Variants in SNAP91 observed in about 807,000 individuals in gnomAD.
SNAP91 encodes clathrin coat assembly protein AP180.
SNAP91 carries 27 observed loss-of-function variants against 100.3 expected under a neutral mutation model. The ratio of observed to expected loss-of-function variants is 0.27; its 90% confidence interval spans 0.20 to 0.37. The LOEUF (loss-of-function observed/expected upper bound fraction) is 0.37, where lower values mean the gene tolerates loss of function less well. SNAP91 is among the 10% of genes least tolerant of loss of function. The pLI, the probability that SNAP91 is intolerant of heterozygous loss-of-function variation, is 1.00. For synonymous variants in SNAP91, 404 were observed against 398.6 expected (o/e 1.01, Z -0.16); for missense variants, 986 against 1,123.7 (o/e 0.88, Z 1.75).
At chr6:83,636,791 C>A (rs569976086) in intron 8 of SNAP91, among the ~76,000 whole-genome samples, 1 of 152,286 alleles carries the variant, frequency 6.6e-6, no homozygotes, top group Admixed American at 6.5e-5. Flanking sequence ...AGGGAGCTGG[C>A]TTTTCTTTTT....
Position 83,690,172 on chromosome 6 carries a change from G to A in SNAP91, c.130+17626C>T, listed in dbSNP as rs544265048. 11 of 573,778 alleles carry A rather than the reference G, an allele frequency of 1.9e-5. No individual in the cohort carries two copies. The South Asian group carries it at 3.3e-4, about 17-fold the overall frequency. 35.5% of individuals were successfully genotyped at this position (573,778 alleles called of 1,614,324 possible). A position where few individuals can be genotyped will look rare whatever the true frequency, so the allele number is the denominator to read the frequency against. On this transcript the variant is annotated intron_variant, in intron 2 of 29. Coordinates refer to ENST00000369694, the MANE Select transcript of SNAP91 (RefSeq NM_001242792.2). ...GAGTTTTCCTAATGATTATGGTTAC[G>A]AAAGCAATAACTTAATTTGAATATT...
At chr6:83,638,773 A>G (rs373031693) in intron 8 of SNAP91, among the ~76,000 whole-genome samples, 1 of 152,310 alleles carries the variant, frequency 6.6e-6, no homozygotes, top group African/African-American at 2.4e-5. Context: ...CTGAACCACA[A>G]TATCATTAGA....
intron 2 of SNAP91, among the ~76,000 whole-genome samples, chr6:83,701,447 C>CTT (rs1243379831): frequency 1.5e-4 from 21 of 141,300 alleles, no homozygotes; most frequent in Middle Eastern, 3.5e-3. Context: ...ATCAAAAATT[C>CTT]TTTTTTTTTT....
At chr6:83,669,209 A>G (rs1052853565) in intron 2 of SNAP91, among the ~76,000 whole-genome samples, 1 of 152,014 alleles carries the variant, frequency 6.6e-6, no homozygotes, top group East Asian at 1.9e-4. Context: ...TAGGGTATGC[A>G]CATACTTAAA....
At chr6:83,646,998 G>A (rs918040976) in intron 7 of SNAP91, among the ~76,000 whole-genome samples, 21 of 151,560 alleles carry the variant, frequency 1.4e-4, no homozygotes, top group African/African-American at 5.1e-4. Flanking sequence ...TTCATTGCTA[G>A]TATATCAGAA....
At chr6:83,605,597 A>T in intron 14 of SNAP91, 88 bp downstream of exon 14, 1 of 1,497,748 alleles carries the variant, frequency 6.7e-7, no homozygotes. Flanking sequence ...TTAGATAATC[A>T]AAAGGTAAAT....
At chr6:83,583,549 GCTA>G (rs977974900) in intron 22 of SNAP91, among the ~76,000 whole-genome samples, 4 of 152,104 alleles carry the variant, frequency 2.6e-5, no homozygotes, top group African/African-American at 9.7e-5. Flanking sequence ...ACTCTGCATT[GCTA>G]CTGAACAAAA....
intron 9 of SNAP91, among the ~76,000 whole-genome samples, chr6:83,617,321 T>C (rs566828850): frequency 5.3e-5 from 8 of 152,176 alleles, no homozygotes; most frequent in African/African-American, 1.9e-4. Flanking sequence ...ACATTACTTA[T>C]ATGCAGTAAA....
At chr6:83,642,244 G>T (rs1013365802) in intron 7 of SNAP91, among the ~76,000 whole-genome samples, 8 of 151,978 alleles carry the variant, frequency 5.3e-5, no homozygotes, top group Non-Finnish European at 1.2e-4. Context: ...CAACGTGCAG[G>T]TTTGTTACAT....
chr6:83,653,593 T>C (rs746557043), intron 7 of SNAP91, among the ~76,000 whole-genome samples: 2 of 152,192 alleles, frequency 1.3e-5, no homozygotes, highest in African/African-American at 2.4e-5. Flanking sequence ...TGATCATTCC[T>C]TCATCCCTGC....
chr6:83,706,818 C>T (rs568943280), intron 2 of SNAP91, among the ~76,000 whole-genome samples: 8 of 152,318 alleles, frequency 5.3e-5, no homozygotes, highest in African/African-American at 1.9e-4. Context: ...ACAGAAGATC[C>T]TAAGCAGGTC....
At chr6:83,690,510 T>C in intron 2 of SNAP91, 1 of 828,562 alleles carries the variant, frequency 1.2e-6, no homozygotes, top group Non-Finnish European at 1.7e-6. Flanking sequence ...ACAGATACAT[T>C]GAACAAGCGT....
At chr6:83,659,994 C>T (rs1403674715) in intron 5 of SNAP91, among the ~76,000 whole-genome samples, 1 of 152,136 alleles carries the variant, frequency 6.6e-6, no homozygotes, top group Non-Finnish European at 1.5e-5. Flanking sequence ...TCTTAGGAAG[C>T]CCTTGTATCC....
intron 2 of SNAP91, among the ~76,000 whole-genome samples, chr6:83,688,937 T>C (rs2099097189): frequency 6.6e-6 from 1 of 152,214 alleles, no homozygotes; most frequent in East Asian, 1.9e-4. Flanking sequence ...CACTAGAGGC[T>C]GCCGTGTCTT....
chr6:83,660,526 CA>C (rs146534708), intron 5 of SNAP91, among the ~76,000 whole-genome samples: 3,149 of 152,170 alleles, frequency 0.021, 113 homozygotes, highest in African/African-American at 0.068. Flanking sequence ...AAGATATGCA[CA>C]AATGTGTGGC....
intron 22 of SNAP91, among the ~76,000 whole-genome samples, chr6:83,585,349 T>A (rs6910961): frequency 2.2e-3 from 335 of 151,966 alleles, no homozygotes; most frequent in African/African-American, 7.5e-3. Flanking sequence ...TTTTTATATA[T>A]CTATCTATAT....
chr6:83,554,131 T>C lies in SNAP91; in HGVS notation c.*165A>G, dbSNP rs574402092. The C allele has an allele frequency of 5.7e-6, 1 of 175,290 alleles. No homozygotes were observed. Among genetic ancestry groups the C allele is most frequent in the Non-Finnish European group, 1.2e-5 (1 of 80,308 alleles). 10.9% of individuals were successfully genotyped at this position (175,290 alleles called of 1,614,324 possible). A position where few individuals can be genotyped will look rare whatever the true frequency, so the allele number is the denominator to read the frequency against. On this transcript the variant is annotated 3_prime_UTR_variant, in exon 30 of 30. Coordinates refer to ENST00000369694, the MANE Select transcript of SNAP91 (RefSeq NM_001242792.2). ...TAACAGCTAAGGTAGTACATATTCC[T>C]AATGTTCACTTTCACGGCTGTGTTA...
intron 16 of SNAP91, among the ~76,000 whole-genome samples, chr6:83,596,785 GACTAAAGTTAC>G (rs2094527381): frequency 2.0e-5 from 3 of 151,854 alleles, no homozygotes; most frequent in Non-Finnish European, 2.9e-5. Flanking sequence ...AAAGTCTGAT[GACTAAAGTTAC>G]ACAGCAAGAA....
intron 2 of SNAP91, among the ~76,000 whole-genome samples, chr6:83,707,312 A>T (rs2099393718): frequency 6.6e-6 from 1 of 152,114 alleles, no homozygotes; most frequent in South Asian, 2.1e-4. Context: ...CAGGAGCAAC[A>T]CTTAAAAAGA....
Sources: allele counts gnomAD v4.1 joint callset (sites outside exome capture counted in the v4.1 genomes callset), GRCh38; gene constraint gnomAD v4.1.1; transcripts MANE v1.5; gene names NCBI Gene and HGNC (gene_info 2026-07-23, HGNC 2026-07-21).